Variants in SPTLC3 observed in about 807,000 individuals in gnomAD.
The protein encoded by SPTLC3 is serine palmitoyltransferase 3.
In SPTLC3, 36 loss-of-function variants were observed where a neutral mutation model predicts 59.3. The observed-to-expected ratio is 0.61, with a 90% CI of 0.47 to 0.80. The LOEUF is 0.80. SPTLC3 is among the 30% of genes least tolerant of loss of function. The probability of loss-of-function intolerance (pLI) is 0.00; values close to 1 mark genes in which losing one functional copy is unlikely to be tolerated. For synonymous variants in SPTLC3, 257 were observed against 240.8 expected, an observed-to-expected ratio of 1.07 and a Z score of -0.62; for missense variants, 625 against 685.1, an observed-to-expected ratio of 0.91 and a Z score of 0.98.
Position 13,089,827 on chromosome 20 carries a change from T to C in SPTLC3, c.608-1256T>C, listed in dbSNP as rs527556126. 2.0e-5 allele frequency among the ~76,000 whole-genome samples: 3 copies of C among 151,234 alleles called. No homozygotes were observed. In the East Asian group the frequency reaches 5.8e-4, roughly 29 times the overall value. On this transcript the variant is annotated intron_variant, in intron 4 of 11. Transcript: ENST00000399002. ...AAACAAAACAATGTGCTATTTTACA[T>C]TCTTTTTGTCATCGTACTATGGCTT...
intron 3 of SPTLC3, chr20:13,073,966 A>G: frequency 1.7e-6 from 1 of 594,118 alleles, no homozygotes; most frequent in East Asian, 4.3e-5. Flanking sequence ...GATGTTACCA[A>G]CTCCTGGTAT....
intron 9 of SPTLC3, among the ~76,000 whole-genome samples, chr20:13,148,108 C>T (rs2038557870): frequency 6.6e-6 from 1 of 152,144 alleles, no homozygotes; most frequent in African/African-American, 2.4e-5. Context: ...TAGTTTCAGC[C>T]ATCTGTAATT....
At position 13,160,209 on chromosome 20, in the gene SPTLC3, TG is replaced by T. The variant is rs879219316; in HGVS notation, c.1545+81del. On this transcript the variant is annotated intron_variant, in intron 11 of 11. Coordinates refer to ENST00000399002, the MANE Select transcript of SPTLC3 (RefSeq NM_018327.4). ...AGCAAGTCCTTTTGTTGAGACAGCT[TG>T]GGGTTCTCTGGGTTTCTCTTGGGTT... 111 of 1,473,768 alleles carry T rather than the reference TG, an allele frequency of 7.5e-5. 1 individual carries two copies. The South Asian group carries it at 1.5e-3, about 20-fold the overall frequency. 91.3% of individuals were successfully genotyped at this position (1,473,768 alleles called of 1,614,324 possible).
intron 4 of SPTLC3, 86 bp downstream of exon 4, chr20:13,074,583 C>A: frequency 7.1e-7 from 1 of 1,400,180 alleles, no homozygotes; most frequent in South Asian, 1.6e-5. Flanking sequence ...CATATTTGGA[C>A]TGTGTCCCTT....
At chr20:13,037,037 T>A (rs550952511) in intron 1 of SPTLC3, among the ~76,000 whole-genome samples, 2 of 152,290 alleles carry the variant, frequency 1.3e-5, no homozygotes, top group South Asian at 4.1e-4. Flanking sequence ...CATTCTACCA[T>A]CTTTTGTGCA....
At chr20:13,139,348 T>C (rs2038327056) in intron 9 of SPTLC3, among the ~76,000 whole-genome samples, 1 of 152,230 alleles carries the variant, frequency 6.6e-6, no homozygotes, top group East Asian at 1.9e-4. Flanking sequence ...TTACTTGTTG[T>C]AACAGACAAA....
At chr20:13,083,690 T>G (rs1456561437) in intron 4 of SPTLC3, among the ~76,000 whole-genome samples, 3 of 152,202 alleles carry the variant, frequency 2.0e-5, no homozygotes, top group Admixed American at 2.0e-4. Context: ...TTCCTTTTTT[T>G]TATTACCAAG....
chr20:13,164,880 TG>T lies in SPTLC3; in HGVS notation c.*14del. 1 of 1,604,636 alleles carries T rather than the reference TG, an allele frequency of 6.2e-7. No individual in the cohort carries two copies. The highest frequency in any genetic ancestry group is 8.5e-7 in the Non-Finnish European group (1 of 1,173,404). On this transcript the variant is annotated 3_prime_UTR_variant, in exon 12 of 12. Coordinates refer to ENST00000399002, the MANE Select transcript of SPTLC3 (RefSeq NM_018327.4). ...ACTCGAAGATTAAGTTTCCTGGTCCTGAATGACACATAAAGACTTTGCGAGA... is the reference window on the plus strand; with the variant it reads ...ACTCGAAGATTAAGTTTCCTGGTCCTAATGACACATAAAGACTTTGCGAGA...
intron 10 of SPTLC3, among the ~76,000 whole-genome samples, chr20:13,159,209 A>T (rs924387955): frequency 1.3e-5 from 2 of 152,242 alleles, no homozygotes; most frequent in Non-Finnish European, 2.9e-5. Context: ...ATCATAGCTT[A>T]TGAAGGTTTT....
chr20:13,057,165 T>C (rs1754553968), intron 2 of SPTLC3, among the ~76,000 whole-genome samples: 2 of 152,192 alleles, frequency 1.3e-5, no homozygotes, highest in East Asian at 1.9e-4. Context: ...CTATTTCCAG[T>C]GACACTTCAT....
chr20:13,164,549 T>C, intron 11 of SPTLC3: 1 of 585,746 alleles, frequency 1.7e-6, no homozygotes. Flanking sequence ...GTTAGACCAC[T>C]AAATAAAATT....
intron 4 of SPTLC3, among the ~76,000 whole-genome samples, chr20:13,080,485 T>A (rs2327687): frequency 7.0e-6 from 1 of 142,382 alleles, no homozygotes; most frequent in African/African-American, 2.7e-5. Context: ...TCCAGCCTCA[T>A]GACCGAGTGA....
chr20:13,081,695 G>C (rs1243457623), intron 4 of SPTLC3, among the ~76,000 whole-genome samples: 3 of 152,132 alleles, frequency 2.0e-5, no homozygotes, highest in African/African-American at 7.2e-5. Flanking sequence ...CAGTGGATTT[G>C]ATTAAATTAG....
chr20:13,069,423 G>A (rs915331630), intron 2 of SPTLC3, among the ~76,000 whole-genome samples: 1 of 152,168 alleles, frequency 6.6e-6, no homozygotes, highest in Non-Finnish European at 1.5e-5. Context: ...GCCAGGTGGG[G>A]TGAAGGGGTA....
intron 4 of SPTLC3, among the ~76,000 whole-genome samples, chr20:13,086,590 A>G (rs17263054): frequency 0.28 from 41,783 of 151,916 alleles, 5,904 homozygotes; most frequent in Middle Eastern, 0.35. Flanking sequence ...ATGCAAAACC[A>G]CTCTTAACTT....
intron 1 of SPTLC3, among the ~76,000 whole-genome samples, chr20:13,014,537 G>A (rs1187837614): frequency 1.3e-5 from 2 of 152,132 alleles, no homozygotes; most frequent in Non-Finnish European, 2.9e-5. Context: ...AACCAGGTGG[G>A]AAAAGATTGT....
At chr20:13,084,766 G>A (rs911543022) in intron 4 of SPTLC3, among the ~76,000 whole-genome samples, 14 of 152,152 alleles carry the variant, frequency 9.2e-5, no homozygotes, top group African/African-American at 3.4e-4. Flanking sequence ...GTGTAGGTGT[G>A]AGGATTAGAG....
intron 6 of SPTLC3, among the ~76,000 whole-genome samples, chr20:13,102,450 T>C (rs890648786): frequency 2.6e-5 from 4 of 152,182 alleles, no homozygotes; most frequent in Non-Finnish European, 5.9e-5. Flanking sequence ...ACAGAGCTAG[T>C]AAGAGTCAGA....
chr20:13,092,944 C>A (rs1989280135), intron 5 of SPTLC3, among the ~76,000 whole-genome samples: 1 of 152,142 alleles, frequency 6.6e-6, no homozygotes, highest in Admixed American at 6.5e-5. Context: ...ATACCTCAGA[C>A]TGAATTGCCA....
Sources: allele counts gnomAD v4.1 joint callset (sites outside exome capture counted in the v4.1 genomes callset), GRCh38; gene constraint gnomAD v4.1.1; transcripts MANE v1.5; gene names NCBI Gene and HGNC (gene_info 2026-07-23, HGNC 2026-07-21).